TXNL4A: variants seen among roughly 807,000 people sequenced by gnomAD.
TXNL4A encodes the protein thioredoxin-like protein 4A.
TXNL4A carries 17 observed loss-of-function variants against 14.6 expected under a neutral mutation model. The ratio of observed to expected loss-of-function variants is 1.16; its 90% CI spans 0.80 to 1.74. The LOEUF is 1.74. TXNL4A is among the 40% of genes most tolerant of loss of function. TXNL4A has a pLI of 0.00. For synonymous variants in TXNL4A, 83 were observed against 70.6 expected (o/e 1.18, Z -0.88); for missense variants, 74 against 195.2 (o/e 0.38, Z 3.70).
chr18:80,016,635 CTTGT>C (rs1327054377), intron 1 of TXNL4A, among the ~76,000 whole-genome samples: 5 of 152,132 alleles, frequency 3.3e-5, no homozygotes, highest in Non-Finnish European at 5.9e-5. Flanking sequence ...TTCCACATTG[CTTGT>C]TTTTCTCAGG....
chr18:80,031,504 C>T (rs1246649534), intron 1 of TXNL4A, among the ~76,000 whole-genome samples: 3 of 152,196 alleles, frequency 2.0e-5, no homozygotes, highest in Non-Finnish European at 2.9e-5. Flanking sequence ...CATTTACAAT[C>T]TCGTTGGACA....
chr18:79,996,118 A>AC (rs1183483962), intron 1 of TXNL4A, among the ~76,000 whole-genome samples: 1 of 150,830 alleles, frequency 6.6e-6, no homozygotes, highest in Non-Finnish European at 1.5e-5. Flanking sequence ...AAAAAAAAAA[A>AC]AAAAAAAAAC....
chr18:79,975,904 C>T (rs1454847218), intron 2 of TXNL4A, among the ~76,000 whole-genome samples: 1 of 152,148 alleles, frequency 6.6e-6, no homozygotes, highest in Non-Finnish European at 1.5e-5. Context: ...ATTCTTTAGC[C>T]TCTCCGGATG....
intron 1 of TXNL4A, among the ~76,000 whole-genome samples, chr18:79,980,928 G>A (rs753274505): frequency 4.6e-5 from 7 of 152,188 alleles, no homozygotes; most frequent in Non-Finnish European, 8.8e-5. Context: ...CTCTGACAAC[G>A]CCCATTTCTG....
chr18:79,998,177 C>G (rs1007891260), intron 1 of TXNL4A, among the ~76,000 whole-genome samples: 1 of 152,000 alleles, frequency 6.6e-6, no homozygotes, highest in Non-Finnish European at 1.5e-5. Context: ...CCTGTAGTCC[C>G]AGCTACTCTG....
At chr18:79,988,124 G>T (rs573412082) in intron 1 of TXNL4A, 116 bp downstream of exon 1, 3 of 1,235,758 alleles carry the variant, frequency 2.4e-6, no homozygotes, top group Non-Finnish European at 3.1e-6. Context: ...CCTGAACGAC[G>T]GAGCCGCGGC....
intron 2 of TXNL4A, among the ~76,000 whole-genome samples, chr18:79,974,467 C>A (rs1420253230): frequency 6.6e-6 from 1 of 152,154 alleles, no homozygotes; most frequent in Non-Finnish European, 1.5e-5. Flanking sequence ...AGGATATTAA[C>A]CCTTTGTTGT....
intron 1 of TXNL4A, among the ~76,000 whole-genome samples, chr18:79,978,685 G>A (rs1178762031): frequency 6.6e-6 from 1 of 151,994 alleles, no homozygotes; most frequent in East Asian, 1.9e-4. Flanking sequence ...GTAGAGACAG[G>A]GTTTTGCCAT....
At chr18:80,025,437 G>T (rs1212013825) in intron 1 of TXNL4A, among the ~76,000 whole-genome samples, 2 of 152,278 alleles carry the variant, frequency 1.3e-5, no homozygotes, top group Non-Finnish European at 2.9e-5. Flanking sequence ...TCAACAAAAG[G>T]CAGGCAGGAA....
At chr18:80,017,155 T>C (rs566845782) in intron 1 of TXNL4A, among the ~76,000 whole-genome samples, 2 of 151,236 alleles carry the variant, frequency 1.3e-5, no homozygotes, top group Admixed American at 1.3e-4. Flanking sequence ...ATGATTTGGC[T>C]CTCTGTTTGT....
chr18:80,003,535 T>C (rs1486588287), intron 1 of TXNL4A, among the ~76,000 whole-genome samples: 1 of 152,258 alleles, frequency 6.6e-6, no homozygotes, highest in Non-Finnish European at 1.5e-5. Context: ...TCTTCAGTTA[T>C]AATTTTTTTG....
At chr18:79,974,020 C>G (rs1468581900) in intron 2 of TXNL4A, among the ~76,000 whole-genome samples, 164 bp from the exon 3 acceptor site, 1 of 152,170 alleles carries the variant, frequency 6.6e-6, no homozygotes, top group Admixed American at 6.5e-5. Flanking sequence ...ATACAGGAAG[C>G]AGCTAAATGT....
Position 79,995,873 on chromosome 18 carries a change from C to T in TXNL4A, c.-60-18172G>A, listed in dbSNP as rs145343039. Reference sequence around the variant, plus strand: ...ATCCCAGAACTTTGGGAGGCTGAGGCGGGCAGATCATGAGGTCAGGAGATC... The same window carrying T: ...ATCCCAGAACTTTGGGAGGCTGAGGTGGGCAGATCATGAGGTCAGGAGATC... On this transcript the variant is annotated intron_variant, in intron 1 of 2. Transcript: ENST00000585474. Among the ~76,000 whole-genome samples, 438 of 152,092 alleles carry T rather than the reference C, an allele frequency of 2.9e-3. 8 individuals carry two copies. The highest frequency in any genetic ancestry group is 4.6e-3 in the African/African-American group (190 of 41,502).
At chr18:79,997,626 T>C (rs2051671681) in intron 1 of TXNL4A, among the ~76,000 whole-genome samples, 1 of 152,170 alleles carries the variant, frequency 6.6e-6, no homozygotes, top group South Asian at 2.1e-4. Flanking sequence ...GCAATATATG[T>C]GGACGGTAAT....
chr18:80,004,849 A>T (rs1296259044), intron 1 of TXNL4A, among the ~76,000 whole-genome samples: 1 of 152,226 alleles, frequency 6.6e-6, no homozygotes, highest in Admixed American at 6.5e-5. Flanking sequence ...TCTGTGTTTA[A>T]AGGAGTGCAA....
chr18:80,022,324 T>G (rs2051855425), intron 1 of TXNL4A, among the ~76,000 whole-genome samples: 1 of 152,158 alleles, frequency 6.6e-6, no homozygotes. Flanking sequence ...TTCTTGACTC[T>G]GGGGAACCAT....
At chr18:80,025,864 C>A (rs1402839532) in intron 1 of TXNL4A, among the ~76,000 whole-genome samples, 6 of 152,164 alleles carry the variant, frequency 3.9e-5, no homozygotes, top group Non-Finnish European at 8.8e-5. Context: ...CAACCAGCAC[C>A]CCCCAAATCC....
chr18:79,993,150 G>A (rs2051638999), upstream of TXNL4A, among the ~76,000 whole-genome samples: 1 of 152,104 alleles, frequency 6.6e-6, no homozygotes, highest in Admixed American at 6.5e-5. This position sits in a 1 kb window ranked among gnomAD's most constrained non-coding sequence, Gnocchi z 4.4. Flanking sequence ...GGGAACCTGG[G>A]CGAAGGTGGC....
intron 1 of TXNL4A, among the ~76,000 whole-genome samples, chr18:79,987,587 G>A (rs564047660): frequency 6.6e-6 from 1 of 152,290 alleles, no homozygotes; most frequent in South Asian, 2.1e-4. Context: ...CACAGAAAAA[G>A]AATGAAATCT....
Sources: allele counts gnomAD v4.1 joint callset (sites outside exome capture counted in the v4.1 genomes callset), GRCh38; gene constraint gnomAD v4.1.1; non-coding constraint Gnocchi (gnomAD v3.1); transcripts MANE v1.5; gene names NCBI Gene and HGNC (gene_info 2026-07-23, HGNC 2026-07-21).